Variants in CDH12 observed in about 807,000 individuals in gnomAD.
CDH12 encodes cadherin-12.
In CDH12, 41 loss-of-function variants were observed where a neutral mutation model predicts 74.1. The ratio of observed to expected loss-of-function variants is 0.55; its 90% CI spans 0.43 to 0.72. The LOEUF is 0.72. Among genes scored for constraint, CDH12 ranks in the 30% least tolerant of loss-of-function variants. CDH12 has a pLI of 0.00. For synonymous variants in CDH12, 399 were observed against 355.0 expected (o/e 1.12, Z -1.39); for missense variants, 945 against 977.2 (o/e 0.97, Z 0.44).
chr5:21,934,868 G>T (rs988749603), intron 6 of CDH12, among the ~76,000 whole-genome samples: 1 of 151,844 alleles, frequency 6.6e-6, no homozygotes, highest in African/African-American at 2.4e-5. Context: ...CTCATTGCAA[G>T]CTCCGCCTCC....
chr5:22,064,315 G>T (rs2150209406), intron 5 of CDH12, among the ~76,000 whole-genome samples: 1 of 152,260 alleles, frequency 6.6e-6, no homozygotes, highest in African/African-American at 2.4e-5. Flanking sequence ...ACTGAGGGAG[G>T]ACTATGTATC....
chr5:21,844,781 A>G (rs1329267278), intron 7 of CDH12, among the ~76,000 whole-genome samples: 1 of 152,204 alleles, frequency 6.6e-6, no homozygotes, highest in Admixed American at 6.5e-5. Flanking sequence ...AAACAATTCC[A>G]CAACTCTCTC....
At chr5:21,866,094 C>T (rs921098796) in intron 6 of CDH12, among the ~76,000 whole-genome samples, 3 of 152,176 alleles carry the variant, frequency 2.0e-5, no homozygotes, top group Non-Finnish European at 4.4e-5. Context: ...GTGAGACATG[C>T]CTTTCACCTT....
chr5:22,015,329 C>A (rs1737537944), intron 5 of CDH12, among the ~76,000 whole-genome samples: 1 of 152,000 alleles, frequency 6.6e-6, no homozygotes, highest in South Asian at 2.1e-4. Context: ...TTTTAAATTT[C>A]AGAATACAAC....
intron 1 of CDH12, among the ~76,000 whole-genome samples, chr5:22,811,097 G>A (rs929908457): frequency 2.0e-5 from 3 of 150,742 alleles, no homozygotes; most frequent in African/African-American, 7.3e-5. Context: ...ACACGTATAT[G>A]TACATATGTA....
intron 1 of CDH12, among the ~76,000 whole-genome samples, chr5:22,570,669 G>C (rs890822302): frequency 6.6e-6 from 1 of 152,018 alleles, no homozygotes; most frequent in African/African-American, 2.4e-5. Flanking sequence ...ATTCTTAAGG[G>C]TGAATTTGAA....
rs76609709 is a variant in CDH12, at chr5:22,733,439, C to CTT, written c.-523+119617_-523+119618dup. On this transcript the variant is annotated intron_variant, in intron 1 of 14. Coordinates refer to ENST00000382254, the MANE Select transcript of CDH12 (RefSeq NM_004061.5). Reference sequence around the variant, plus strand: ...TTAAACTGTCATTTTCTTTGTGAATCTTTTTTTTTTTTTAGTTTAGCATAT... The same window carrying CTT: ...TTAAACTGTCATTTTCTTTGTGAATCTTTTTTTTTTTTTTTAGTTTAGCATAT... Among the ~76,000 whole-genome samples, 9 of 142,508 alleles carry CTT rather than the reference C, an allele frequency of 6.3e-5. No individual in the cohort carries two copies. The South Asian group carries it at 9.0e-4, about 14-fold the overall frequency. 93.5% of individuals were successfully genotyped at this position (142,508 alleles called of 152,430 possible).
intron 1 of CDH12, among the ~76,000 whole-genome samples, chr5:22,512,389 A>G (rs2126673350): frequency 6.6e-6 from 1 of 152,294 alleles, no homozygotes; most frequent in East Asian, 1.9e-4. Flanking sequence ...TAAAAAAAGC[A>G]CAGCAATGAA....
At chr5:22,290,998 T>C (rs1737362915) in intron 3 of CDH12, among the ~76,000 whole-genome samples, 1 of 152,120 alleles carries the variant, frequency 6.6e-6, no homozygotes, top group African/African-American at 2.4e-5. Context: ...AATTGAACAG[T>C]ATATTTTACA....
chr5:22,037,636 C>A (rs1440776583), intron 5 of CDH12, among the ~76,000 whole-genome samples: 3 of 152,106 alleles, frequency 2.0e-5, no homozygotes, highest in African/African-American at 7.2e-5. Context: ...TTTACAGCAG[C>A]TATAGGCAAC....
intron 6 of CDH12, among the ~76,000 whole-genome samples, chr5:21,909,920 A>G (rs1408802410): frequency 6.6e-6 from 1 of 152,124 alleles, no homozygotes; most frequent in Non-Finnish European, 1.5e-5. Flanking sequence ...TAACCCATCC[A>G]TTTCAAGAGC....
At chr5:22,598,221 G>A (rs560587951) in intron 1 of CDH12, among the ~76,000 whole-genome samples, 1 of 152,256 alleles carries the variant, frequency 6.6e-6, no homozygotes, top group East Asian at 1.9e-4. Flanking sequence ...GCATTCTCCA[G>A]TAAATACAAA....
intron 5 of CDH12, among the ~76,000 whole-genome samples, chr5:22,060,074 C>T (rs1741082809): frequency 6.6e-6 from 1 of 152,010 alleles, no homozygotes; most frequent in Non-Finnish European, 1.5e-5. Flanking sequence ...CAACAAGATT[C>T]AGAATGAAAA....
intron 3 of CDH12, among the ~76,000 whole-genome samples, chr5:22,356,240 T>A (rs1740558374): frequency 6.6e-6 from 1 of 152,132 alleles, no homozygotes; most frequent in Non-Finnish European, 1.5e-5. Context: ...AAGCCCCAAA[T>A]AACAACCTAT....
At chr5:21,835,197 CT>C (rs1749461777) in intron 8 of CDH12, among the ~76,000 whole-genome samples, 1 of 151,772 alleles carries the variant, frequency 6.6e-6, no homozygotes, top group African/African-American at 2.4e-5. Flanking sequence ...AGCAGATTGC[CT>C]TCTCTGGACT....
chr5:21,927,047 T>C (rs1045637286), intron 6 of CDH12, among the ~76,000 whole-genome samples: 1 of 152,210 alleles, frequency 6.6e-6, no homozygotes, highest in Non-Finnish European at 1.5e-5. Flanking sequence ...ACTTGGAGTT[T>C]GTGGTCATAG....
rs543830034 is a variant in CDH12 at position 22,224,277 on chromosome 5, G to A, written c.-332-11634C>T. ...ATTTTGCACACATTATTTCCTTTGA[G>A]AATGGAAGTAGTACTTAAGGTGAGC... is the stretch of plus-strand genomic sequence containing the variant. On this transcript the variant is annotated intron_variant, in intron 3 of 14. Transcript: ENST00000382254. Among the ~76,000 whole-genome samples the A allele has an allele frequency of 2.0e-4, 31 of 152,110 alleles. No homozygotes were observed. The East Asian group carries it at 2.5e-3, about 12-fold the overall frequency.
chr5:22,712,360 C>A (rs1033266234), intron 1 of CDH12, among the ~76,000 whole-genome samples: 1 of 152,000 alleles, frequency 6.6e-6, no homozygotes, highest in South Asian at 2.1e-4. Context: ...AGTTCCATAA[C>A]TTTATAAATT....
chr5:22,651,051 G>A (rs1234737961), intron 1 of CDH12, among the ~76,000 whole-genome samples: 2 of 151,966 alleles, frequency 1.3e-5, no homozygotes, highest in African/African-American at 4.8e-5. Flanking sequence ...CCAATTATAA[G>A]ATAACTTACT....
Sources: gnomAD v4.1 joint callset for allele counts (sites outside exome capture counted in the v4.1 genomes callset) on GRCh38, gnomAD v4.1.1 for gene constraint, MANE v1.5 for transcripts, NCBI Gene and HGNC (gene_info 2026-07-23, HGNC 2026-07-21) for gene names.